The following RYR2 variants were observed in gnomAD, a reference collection of about 807,000 sequenced individuals.
The protein encoded by RYR2 is ryanodine receptor 2, also known as cardiac muscle ryanodine receptor-calcium release channel.
RYR2 carries 227 observed loss-of-function variants against 601.1 expected under a neutral mutation model. That is an observed-to-expected ratio of 0.38 (90% CI 0.34 to 0.42). The LOEUF (loss-of-function observed/expected upper bound fraction) is 0.42, where lower values mean the gene tolerates loss of function less well. Among genes scored for constraint, RYR2 ranks in the 10% least tolerant of loss-of-function variants. The probability of loss-of-function intolerance (pLI) is 1.00; values close to 1 mark genes in which losing one functional copy is unlikely to be tolerated. For synonymous variants in RYR2, 2,223 were observed against 2,175.1 expected, an observed-to-expected ratio of 1.02 and a Z score of -0.61; for missense variants, 4,646 against 6,156.5, an observed-to-expected ratio of 0.75 and a Z score of 8.21.
At chr1:237,562,478 C>T in intron 27 of RYR2, among the ~76,000 whole-genome samples, 1 of 151,990 alleles carries the variant, frequency 6.6e-6, no homozygotes, top group Middle Eastern at 3.2e-3. Flanking sequence ...TACTTTAGGC[C>T]TTTTTAGGCC....
At chr1:237,230,356 A>T in intron 1 of RYR2, among the ~76,000 whole-genome samples, 1 of 152,198 alleles carries the variant, frequency 6.6e-6, no homozygotes, top group East Asian at 1.9e-4. Flanking sequence ...ATAGGTCTAG[A>T]TTTGTTATCA....
rs1434076793 is a variant in RYR2 at position 237,700,268 on chromosome 1, A to C, written c.9168A>C (p.Ala3056=). The C allele has an allele frequency of 6.3e-7, 1 of 1,581,202 alleles. No homozygotes were observed. The highest frequency in any genetic ancestry group is 1.2e-5 in the South Asian group (1 of 86,396). The part of the protein sequence containing the change: ...MKTGLESVKS[A]LRAFLDNAAE... ...CTGGCCTGGAGAGTGTTAAAAGTGC[A>C]CTCAGAGCTTTTCTGGACAACGCTG... The change falls in exon 65 of 105, where the codon GCA becomes GCC. Residue 3056 remains alanine, a synonymous_variant. Coordinates refer to ENST00000366574, the MANE Select transcript of RYR2 (RefSeq NM_001035.3).
intron 8 of RYR2, among the ~76,000 whole-genome samples, chr1:237,382,597 A>G (rs10925395): frequency 0.22 from 31,988 of 143,826 alleles, 3,987 homozygotes; most frequent in East Asian, 0.44. Context: ...TCATTATTCA[A>G]TTCCCACCTA....
At chr1:237,257,609 C>T (rs1688116625) in intron 1 of RYR2, among the ~76,000 whole-genome samples, 1 of 152,038 alleles carries the variant, frequency 6.6e-6, no homozygotes, top group Admixed American at 6.5e-5. Flanking sequence ...ACCAGGGATG[C>T]GGTATGAACG....
intron 92 of RYR2, among the ~76,000 whole-genome samples, chr1:237,789,000 TTATAATTATATGTGTATATATG>T (rs2149370413): frequency 6.6e-6 from 1 of 151,664 alleles, no homozygotes; most frequent in South Asian, 2.1e-4. Flanking sequence ...TGTATAATTT[TTATAATTATATGTGTATATATG>T]TATAATTATA....
intron 29 of RYR2, among the ~76,000 whole-genome samples, chr1:237,578,338 C>T (rs952088583): frequency 2.0e-5 from 3 of 152,066 alleles, no homozygotes; most frequent in Non-Finnish European, 2.9e-5. Flanking sequence ...TAGTAGTATC[C>T]TCTCTTTTAT....
At chr1:237,641,139 T>C (rs971952832) in intron 47 of RYR2, 137 bp downstream of exon 47, 1 of 540,622 alleles carries the variant, frequency 1.8e-6, no homozygotes. Context: ...GTCTAATCAC[T>C]GAACAAGTGT....
chr1:237,117,272 A>G (rs1039399665), intron 1 of RYR2, among the ~76,000 whole-genome samples: 2 of 152,128 alleles, frequency 1.3e-5, no homozygotes, highest in African/African-American at 4.8e-5. Context: ...GATGGGGGAC[A>G]TGGTGGGAGT....
At chr1:237,628,105 C>A (rs777114991) in intron 41 of RYR2, 25 bp downstream of exon 41, 1 of 1,606,238 alleles carries the variant, frequency 6.2e-7, no homozygotes, top group Admixed American at 1.7e-5. Context: ...TACTACAACC[C>A]TTTGTCTCGT....
At chr1:237,404,600 A>G (rs560726500) in intron 10 of RYR2, among the ~76,000 whole-genome samples, 2 of 152,350 alleles carry the variant, frequency 1.3e-5, no homozygotes, top group South Asian at 2.1e-4. Flanking sequence ...CACATCCTGT[A>G]TATAATTCCT....
At chr1:237,328,551 A>G (rs1696387949) in intron 2 of RYR2, among the ~76,000 whole-genome samples, 1 of 152,070 alleles carries the variant, frequency 6.6e-6, no homozygotes, top group South Asian at 2.1e-4. Context: ...GGTTGGGTAA[A>G]CAGGAGCCCA....
chr1:237,598,230 C>A (rs1676096848), intron 34 of RYR2, among the ~76,000 whole-genome samples: 1 of 152,152 alleles, frequency 6.6e-6, no homozygotes, highest in Non-Finnish European at 1.5e-5. Context: ...GTTCAACACC[C>A]CACTTTCAAC....
intron 10 of RYR2, among the ~76,000 whole-genome samples, chr1:237,416,749 AACAC>A (rs71180024): frequency 3.0e-4 from 45 of 148,092 alleles, no homozygotes; most frequent in South Asian, 6.4e-4. Context: ...GATGGGAAGA[AACAC>A]ACACACACAC....
chr1:237,591,002 T>C lies in RYR2; in HGVS notation c.4160+10T>C, dbSNP rs397516530. ...CTCGTCTGAAACAAAGGTTACTAAT[T>C]TATACGCTGTGATTTTAAATTTGTA... On this transcript the variant is annotated intron_variant, in intron 31 of 104. Transcript: ENST00000366574. 3 of 1,598,658 alleles carry C rather than the reference T, an allele frequency of 1.9e-6. No individual in the cohort carries two copies. The highest frequency in any genetic ancestry group is 2.6e-6 in the Non-Finnish European group (3 of 1,170,912).
intron 2 of RYR2, among the ~76,000 whole-genome samples, chr1:237,304,728 T>A (rs1693701230): frequency 1.2e-5 from 1 of 85,562 alleles, no homozygotes; most frequent in Non-Finnish European, 3.3e-5. Context: ...AGCCATGAAC[T>A]TTATATGAAT....
At chr1:237,705,098 A>T (rs1688262424) in intron 66 of RYR2, 115 bp from the exon 67 acceptor site, 1 of 869,022 alleles carries the variant, frequency 1.2e-6, no homozygotes. Context: ...TTTGGGAGTT[A>T]ATTTTATTAG....
intron 89 of RYR2, among the ~76,000 whole-genome samples, chr1:237,781,942 T>A (rs1032958445): frequency 6.6e-6 from 1 of 152,148 alleles, no homozygotes; most frequent in African/African-American, 2.4e-5. Context: ...AATATTTTAT[T>A]TGTTAGTGTG....
intron 5 of RYR2, among the ~76,000 whole-genome samples, chr1:237,365,427 A>T (rs753962447): frequency 4.6e-5 from 7 of 152,216 alleles, no homozygotes; most frequent in Non-Finnish European, 8.8e-5. Context: ...TTTGGATGGG[A>T]TGACAGAACA....
Position 237,452,077 on chromosome 1 carries a change from TTG to T in RYR2, c.1293-2286_1293-2285del, listed in dbSNP as rs763042123. On this transcript the variant is annotated intron_variant, in intron 14 of 104. Coordinates refer to ENST00000366574, the MANE Select transcript of RYR2 (RefSeq NM_001035.3). ...TGGGGTGGGGAATATATATAAAATT[TTG>T]TGTGTGTGTGTGTGTGTGTGTGTGT... Among the ~76,000 whole-genome samples the T allele has an allele frequency of 3.0e-3, 226 of 74,484 alleles. 2 individuals are homozygous for T. Among genetic ancestry groups the T allele is most frequent in the Middle Eastern group, 6.7e-3 (1 of 150 alleles). The allele number at this position is 74,484 out of a possible 152,430, so 48.9% of individuals were successfully genotyped here.
Sources: allele counts gnomAD v4.1 joint callset (sites outside exome capture counted in the v4.1 genomes callset), GRCh38; gene constraint gnomAD v4.1.1; transcripts MANE v1.5; gene names NCBI Gene and HGNC (gene_info 2026-07-23, HGNC 2026-07-21).